The following NEGR1 variants were observed in gnomAD, a reference collection of about 807,000 sequenced individuals.
NEGR1 encodes neuronal growth regulator 1, also known as IgLON family member 4.
A neutral mutation model predicts 40.9 loss-of-function variants in NEGR1; 10 were observed. The observed-to-expected ratio is 0.24, with a 90% confidence interval of 0.15 to 0.42. The LOEUF is 0.42. Among genes scored for constraint, NEGR1 ranks in the 10% least tolerant of loss-of-function variants. NEGR1 has a pLI of 1.00. For missense variants in NEGR1, 352 were observed against 438.9 expected (o/e 0.80, Z 1.77); for synonymous variants, 185 against 166.8 (o/e 1.11, Z -0.84).
At chr1:71,827,060 G>C (rs1491001646) in intron 2 of NEGR1, among the ~76,000 whole-genome samples, 2 of 151,772 alleles carry the variant, frequency 1.3e-5, no homozygotes, top group African/African-American at 4.8e-5. Context: ...TGCCACTATT[G>C]GCTTTTCTCC....
At position 71,397,677 on chromosome 1, in the gene NEGR1, A is replaced by G. The variant is rs2101243784; in HGVS notation, c.*9769T>C. The G allele has an allele frequency of 6.6e-6, 1 of 152,288 alleles. No individual in the cohort carries two copies. Among genetic ancestry groups the G allele is most frequent in the African/African-American group, 2.4e-5 (1 of 41,560 alleles). The allele number at this position is 152,288 out of a possible 1,614,324, so 9.4% of individuals were successfully genotyped here. On this transcript the variant is annotated 3_prime_UTR_variant, in exon 7 of 7. Transcript: ENST00000357731. ...GTATAAAAGTTTGAAAAATTTACAGACTGAAAATGTGATAGAAAAGAAAAT... is the reference window on the plus strand; with the variant it reads ...GTATAAAAGTTTGAAAAATTTACAGGCTGAAAATGTGATAGAAAAGAAAAT...
intron 1 of NEGR1, among the ~76,000 whole-genome samples, chr1:72,239,811 C>T (rs2100512190): frequency 6.6e-6 from 1 of 151,740 alleles, no homozygotes; most frequent in Middle Eastern, 3.4e-3. Flanking sequence ...AATCTGACTC[C>T]TTCTGCACAT....
At chr1:71,972,377 TA>T (rs1327178516) in intron 1 of NEGR1, among the ~76,000 whole-genome samples, 1 of 152,122 alleles carries the variant, frequency 6.6e-6, no homozygotes, top group Non-Finnish European at 1.5e-5. Context: ...TAGGAGGCAA[TA>T]AAAATTAATG....
rs191169712 is a variant in NEGR1, at chr1:72,071,741, C to A, written c.177-136430G>T. On this transcript the variant is annotated intron_variant, in intron 1 of 6. Coordinates refer to ENST00000357731, the MANE Select transcript of NEGR1 (RefSeq NM_173808.3). ...CCACTGAAATATCTTTCAAAGGGGT[C>A]TTTTCCTGTTTCCACAACCACTTCC... 1.1e-4 allele frequency among the ~76,000 whole-genome samples: 17 copies of A among 152,198 alleles called. No individual in the cohort carries two copies. The East Asian group carries it at 3.1e-3, about 28-fold the overall frequency.
chr1:72,114,886 G>A (rs1003645027), intron 1 of NEGR1, among the ~76,000 whole-genome samples: 1 of 151,728 alleles, frequency 6.6e-6, no homozygotes, highest in African/African-American at 2.4e-5. Context: ...TTAATTGAAA[G>A]TAAAAAGAAG....
intron 4 of NEGR1, among the ~76,000 whole-genome samples, chr1:71,657,448 C>T (rs546737175): frequency 6.6e-6 from 1 of 152,198 alleles, no homozygotes; most frequent in East Asian, 1.9e-4. Flanking sequence ...GAAACCAAAT[C>T]GGAAGTCACA....
In NEGR1 at chr1:72,040,232, G is replaced by A. The variant is rs549129411; in HGVS notation, c.177-104921C>T. 1.9e-3 allele frequency among the ~76,000 whole-genome samples: 295 copies of A among 151,922 alleles called. 4 individuals carry two copies. The highest frequency in any genetic ancestry group is 7.0e-3 in the African/African-American group (289 of 41,482). The stretch of plus-strand genomic sequence containing the variant: ...ATAGTCTTCCCCCGAATCCCGCATC[G>A]TAACTTAAAGGTGCTAGAGAACAAT... On this transcript the variant is annotated intron_variant, in intron 1 of 6. Transcript: ENST00000357731.
chr1:71,494,558 G>C (rs1171804104), intron 6 of NEGR1, among the ~76,000 whole-genome samples: 1 of 152,090 alleles, frequency 6.6e-6, no homozygotes, highest in Non-Finnish European at 1.5e-5. Flanking sequence ...TTTTCAATGA[G>C]TTCTGTGAGT....
At chr1:71,915,853 G>C (rs1661561819) in intron 2 of NEGR1, among the ~76,000 whole-genome samples, 1 of 152,194 alleles carries the variant, frequency 6.6e-6, no homozygotes, top group African/African-American at 2.4e-5. Context: ...TTGCCCTCAT[G>C]TGGTTTACCT....
At chr1:71,639,503 A>T (rs976094719) in intron 4 of NEGR1, among the ~76,000 whole-genome samples, 1 of 152,096 alleles carries the variant, frequency 6.6e-6, no homozygotes, top group Non-Finnish European at 1.5e-5. Context: ...GTGAGTCTGC[A>T]TGATGGTCTT....
intron 1 of NEGR1, among the ~76,000 whole-genome samples, chr1:72,219,813 TAACA>T (rs1454770764): frequency 2.0e-5 from 3 of 152,140 alleles, no homozygotes; most frequent in Non-Finnish European, 4.4e-5. Flanking sequence ...ACAAACCAGC[TAACA>T]ATCACTTTTC....
intron 1 of NEGR1, among the ~76,000 whole-genome samples, chr1:72,043,401 A>G (rs536497120): frequency 2.0e-5 from 3 of 151,820 alleles, no homozygotes; most frequent in African/African-American, 2.4e-5. Context: ...AGTACATACC[A>G]TATAAGAATA....
chr1:71,479,278 T>C (rs1246494618), intron 6 of NEGR1, among the ~76,000 whole-genome samples: 1 of 151,888 alleles, frequency 6.6e-6, no homozygotes, highest in African/African-American at 2.4e-5. Flanking sequence ...CCTGGATTCG[T>C]TTCCTACTGA....
chr1:71,399,775 G>T lies in NEGR1; in HGVS notation c.*7671C>A, dbSNP rs560307181. On this transcript the variant is annotated 3_prime_UTR_variant, in exon 7 of 7. Transcript: ENST00000357731. ...TGCCAGGTCACTTGTCAAGTACTTG[G>T]TAGGGAGATGTCAAGTTTCAGGGCA... is the stretch of plus-strand genomic sequence containing the variant. 2.6e-5 allele frequency: 4 copies of T among 152,336 alleles called. No homozygotes were observed. The highest frequency in any genetic ancestry group is 9.6e-5 in the African/African-American group (4 of 41,584). The allele number at this position is 152,336 out of a possible 1,614,324, so 9.4% of individuals were successfully genotyped here.
chr1:71,620,224 T>C (rs181744454), intron 4 of NEGR1, among the ~76,000 whole-genome samples: 1 of 152,098 alleles, frequency 6.6e-6, no homozygotes, highest in Non-Finnish European at 1.5e-5. Context: ...ACATTGCCCG[T>C]AGAGCATTAG....
intron 2 of NEGR1, among the ~76,000 whole-genome samples, chr1:71,885,842 T>C (rs1210584754): frequency 6.6e-6 from 1 of 152,186 alleles, no homozygotes; most frequent in Middle Eastern, 3.2e-3. Context: ...ATATTTTTCA[T>C]AACAAAACAA....
intron 1 of NEGR1, among the ~76,000 whole-genome samples, chr1:72,098,043 T>C (rs563678643): frequency 6.6e-6 from 1 of 152,318 alleles, no homozygotes; most frequent in African/African-American, 2.4e-5. Context: ...AATATTTGTC[T>C]GTGTTGTAGG....
intron 1 of NEGR1, among the ~76,000 whole-genome samples, chr1:71,994,854 A>AT (rs996480214): frequency 3.3e-5 from 5 of 151,878 alleles, no homozygotes; most frequent in African/African-American, 9.7e-5. Flanking sequence ...CTCATGAATA[A>AT]TTTTTTTCAC....
intron 3 of NEGR1, among the ~76,000 whole-genome samples, chr1:71,768,308 C>T (rs1341501626): frequency 1.3e-5 from 2 of 152,136 alleles, no homozygotes; most frequent in Non-Finnish European, 2.9e-5. Flanking sequence ...CTGCCCAAGG[C>T]CTTGGGAACT....
Sources: allele counts gnomAD v4.1 joint callset (sites outside exome capture counted in the v4.1 genomes callset), GRCh38; gene constraint gnomAD v4.1.1; transcripts MANE v1.5; gene names NCBI Gene and HGNC (gene_info 2026-07-23, HGNC 2026-07-21).